Variants in RAP1GAP2 observed in about 807,000 individuals in gnomAD.
RAP1GAP2 encodes RAP1 GTPase activating protein 2.
In RAP1GAP2, 27 loss-of-function variants were observed where a neutral mutation model predicts 95.0. That is an observed-to-expected ratio of 0.28 (90% CI 0.21 to 0.39). The LOEUF (loss-of-function observed/expected upper bound fraction) is 0.39, where lower values mean the gene tolerates loss of function less well. Ranked by LOEUF, RAP1GAP2 falls within the 10% of genes least tolerant of loss-of-function variation. RAP1GAP2 has a pLI of 1.00. For missense variants in RAP1GAP2, 771 were observed against 970.0 expected, an observed-to-expected ratio of 0.79 and a Z score of 2.72; for synonymous variants, 373 against 380.9, an observed-to-expected ratio of 0.98 and a Z score of 0.24.
At chr17:2,849,791 T>C (rs2071749933) in intron 2 of RAP1GAP2, among the ~76,000 whole-genome samples, 1 of 152,194 alleles carries the variant, frequency 6.6e-6, no homozygotes, top group Non-Finnish European at 1.5e-5. Context: ...AGACCCCTTC[T>C]CTGCCGTCAG....
chr17:2,771,867 A>T (rs1031320635), intron 2 of RAP1GAP2, among the ~76,000 whole-genome samples: 1 of 152,176 alleles, frequency 6.6e-6, no homozygotes, highest in African/African-American at 2.4e-5. Flanking sequence ...AGTCATTGAG[A>T]TAAGTGACTG....
intron 2 of RAP1GAP2, among the ~76,000 whole-genome samples, chr17:2,860,960 C>T (rs2072360577): frequency 6.6e-6 from 1 of 152,202 alleles, no homozygotes; most frequent in East Asian, 1.9e-4. Context: ...GCCCACACCC[C>T]CTGCCTGCTT....
At chr17:2,821,415 G>A (rs184254777) in intron 2 of RAP1GAP2, among the ~76,000 whole-genome samples, 31 of 126,748 alleles carry the variant, frequency 2.4e-4, no homozygotes, top group East Asian at 2.0e-3. Flanking sequence ...TCGCTCTGTC[G>A]CCCAGGCTGG....
intron 2 of RAP1GAP2, among the ~76,000 whole-genome samples, chr17:2,890,472 G>A (rs1454995332): frequency 6.6e-6 from 1 of 151,822 alleles, no homozygotes; most frequent in Non-Finnish European, 1.5e-5. Flanking sequence ...AAGGCCGGTT[G>A]GCTCTGTGAT....
chr17:2,767,710 A>G (rs1293594496), intron 1 of RAP1GAP2, among the ~76,000 whole-genome samples: 1 of 150,888 alleles, frequency 6.6e-6, no homozygotes, highest in African/African-American at 2.4e-5. Context: ...TGGCTTTACT[A>G]TATGGATGTA....
intron 3 of RAP1GAP2, among the ~76,000 whole-genome samples, chr17:2,920,500 G>A (rs1269545586): frequency 6.6e-6 from 1 of 152,218 alleles, no homozygotes; most frequent in Admixed American, 6.5e-5. Context: ...GCTGGATGGT[G>A]CTGGGTCTGG....
chr17:3,032,586 C>T (rs767663911), intron 24 of RAP1GAP2, 137 bp downstream of exon 24: 21 of 858,624 alleles, frequency 2.4e-5, no homozygotes, highest in South Asian at 5.9e-5. Flanking sequence ...GTCTCCTACT[C>T]GCCCCTGAAG....
chr17:2,836,574 G>A (rs2071140014), intron 2 of RAP1GAP2, among the ~76,000 whole-genome samples: 1 of 152,198 alleles, frequency 6.6e-6, no homozygotes, highest in South Asian at 2.1e-4. Flanking sequence ...GGAGGTTGCA[G>A]TGAGCTGAGA....
chr17:2,912,297 G>C (rs545045326), intron 3 of RAP1GAP2, among the ~76,000 whole-genome samples: 1 of 151,900 alleles, frequency 6.6e-6, no homozygotes, highest in East Asian at 1.9e-4. Flanking sequence ...CTGGGGTTGG[G>C]GGGTGGTGTG....
At chr17:2,978,847 A>G (rs2045232401) in intron 8 of RAP1GAP2, among the ~76,000 whole-genome samples, 1 of 152,168 alleles carries the variant, frequency 6.6e-6, no homozygotes, top group African/African-American at 2.4e-5. Context: ...AGGCGGGAGA[A>G]TCTCTTGAAA....
chr17:3,020,327 A>G (rs1034321303), intron 18 of RAP1GAP2, 150 bp from the exon 19 acceptor site: 1 of 653,556 alleles, frequency 1.5e-6, no homozygotes, highest in Admixed American at 2.5e-5. Context: ...TCTCAGCTTC[A>G]GTTACATAGA....
chr17:2,956,356 G>A (rs2151469445), intron 3 of RAP1GAP2, among the ~76,000 whole-genome samples: 1 of 152,338 alleles, frequency 6.6e-6, no homozygotes, highest in East Asian at 1.9e-4. Context: ...GCCTGACAGA[G>A]GTTGTCTGGA....
intron 14 of RAP1GAP2, 136 bp downstream of exon 14, chr17:2,998,512 T>A: frequency 8.7e-7 from 1 of 1,142,994 alleles, no homozygotes; most frequent in Non-Finnish European, 1.2e-6. Flanking sequence ...GGTTTGGAGC[T>A]AGATTCTGGG....
At chr17:2,950,061 C>CT (rs35321854) in intron 3 of RAP1GAP2, among the ~76,000 whole-genome samples, 2 of 141,240 alleles carry the variant, frequency 1.4e-5, no homozygotes, top group East Asian at 2.1e-4. Flanking sequence ...TCTTCTTCTT[C>CT]TTTTTTTTTT....
chr17:3,020,562 G>T lies in RAP1GAP2; in HGVS notation c.1718G>T (p.Gly573Val), dbSNP rs373169664. 6.2e-7 allele frequency: 1 copy of T among 1,613,900 alleles called. No homozygotes were observed. The highest frequency in any genetic ancestry group is 8.5e-7 in the Non-Finnish European group (1 of 1,179,870). The change falls in exon 19 of 25, where the codon GGC (glycine) becomes GTC (valine). Residue 573 changes from glycine (G) to valine (V), a missense_variant. By Grantham distance (109) the Gly-to-Val change is moderately radical. Coordinates refer to ENST00000254695, the MANE Select transcript of RAP1GAP2 (RefSeq NM_015085.5). ...GGGCTCTTCCCCCGCCTGCACACGG[G>T]CTCAGAAGGCCAGGGCGACAGCCGG... ...RSGLFPRLHT[G>V]SEGQGDSRAR...
intron 11 of RAP1GAP2, among the ~76,000 whole-genome samples, chr17:2,989,629 G>A (rs571326475): frequency 2.0e-5 from 3 of 152,000 alleles, no homozygotes; most frequent in African/African-American, 4.8e-5. Flanking sequence ...CACCGCGCCC[G>A]GCCGTTTTCA....
intron 3 of RAP1GAP2, among the ~76,000 whole-genome samples, chr17:2,935,548 C>G (rs2043280418): frequency 6.6e-6 from 1 of 152,128 alleles, no homozygotes; most frequent in African/African-American, 2.4e-5. Context: ...CATCTTTAGT[C>G]AAGGGTCTGA....
intron 2 of RAP1GAP2, among the ~76,000 whole-genome samples, chr17:2,899,477 C>T (rs1218415855): frequency 1.3e-5 from 2 of 151,728 alleles, no homozygotes; most frequent in East Asian, 3.9e-4. Flanking sequence ...TCCCAAAGTG[C>T]TGGGATTACA....
intron 2 of RAP1GAP2, among the ~76,000 whole-genome samples, chr17:2,817,395 AT>A (rs1481108010): frequency 1.7e-5 from 2 of 118,966 alleles, no homozygotes; most frequent in Non-Finnish European, 4.0e-5. Flanking sequence ...GTTGCTTCCA[AT>A]TTTTTTTTGC....
Sources: allele counts gnomAD v4.1 joint callset (sites outside exome capture counted in the v4.1 genomes callset), GRCh38; gene constraint gnomAD v4.1.1; transcripts MANE v1.5; gene names NCBI Gene and HGNC (gene_info 2026-07-23, HGNC 2026-07-21).